The following KDM2B variants were observed in gnomAD, a reference collection of about 807,000 sequenced individuals.
KDM2B encodes the protein lysine-specific demethylase 2B.
Under a neutral mutation model 150.0 loss-of-function variants are expected in KDM2B, and 26 were observed. The ratio of observed to expected loss-of-function variants is 0.17; its 90% CI spans 0.13 to 0.24. KDM2B has a LOEUF of 0.24. Among genes scored for constraint, KDM2B ranks in the 10% least tolerant of loss-of-function variants. KDM2B has a pLI of 1.00. For synonymous variants in KDM2B, 734 were observed against 729.5 expected, an observed-to-expected ratio of 1.01 and a Z score of -0.10; for missense variants, 1,265 against 1,816.9, an observed-to-expected ratio of 0.70 and a Z score of 5.52.
chr12:121,433,691 A>G (rs2137545163), intron 22 of KDM2B, among the ~76,000 whole-genome samples: 1 of 152,364 alleles, frequency 6.6e-6, no homozygotes, highest in South Asian at 2.1e-4. Context: ...AAATCCTAGT[A>G]GTATTTTTTG....
rs1889335946 is a variant in KDM2B at position 121,549,727 on chromosome 12, C to A, written c.398-89G>T. The stretch of plus-strand genomic sequence containing the variant: ...GCCCCTCACTAAACAAAAGCTGCTC[C>A]TCCACGTTTCCCCACAGTCCTCACC... On this transcript the variant is annotated intron_variant, in intron 4 of 22. Transcript: ENST00000377071. The surrounding 1 kb of genome is among the most constrained non-coding windows in gnomAD (Gnocchi z 4.4). 1 of 1,240,372 alleles carries A rather than the reference C, an allele frequency of 8.1e-7. No homozygotes were observed. Among genetic ancestry groups the A allele is most frequent in the South Asian group, 1.5e-5 (1 of 65,760 alleles). The allele number at this position is 1,240,372 out of a possible 1,614,324, so 76.8% of individuals were successfully genotyped here.
intron 12 of KDM2B, among the ~76,000 whole-genome samples, chr12:121,480,795 C>A (rs941684230): frequency 1.3e-5 from 2 of 151,980 alleles, no homozygotes; most frequent in Non-Finnish European, 2.9e-5. Flanking sequence ...AACAAAAAAA[C>A]AGATACTCCT....
chr12:121,578,593 G>T (rs1263499250), intron 2 of KDM2B, among the ~76,000 whole-genome samples: 1 of 151,806 alleles, frequency 6.6e-6, no homozygotes, highest in Non-Finnish European at 1.5e-5. Context: ...GGCGCGGGCC[G>T]GGCCTAGGCC....
intron 19 of KDM2B, 54 bp from the exon 20 acceptor site, chr12:121,441,287 G>T: frequency 1.3e-6 from 2 of 1,562,676 alleles, no homozygotes; most frequent in East Asian, 2.2e-5. Context: ...CCTCTAGGGA[G>T]CCCACACACA....
intron 12 of KDM2B, chr12:121,470,284 G>A (rs1431268673): frequency 3.3e-5 from 5 of 152,246 alleles, no homozygotes; most frequent in South Asian, 2.1e-4. Flanking sequence ...GGCTCAAAGA[G>A]CGGAAAGGAA....
At position 121,467,104 on chromosome 12, in the gene KDM2B, G is replaced by A. The variant is rs1555294968; in HGVS notation, c.1735-13760C>T. ...GCCGCCCTCGGCGCGTCAGACAGGCGGTCGGGAGGTCGTGCGGCGGGTCCC... is the reference window on the plus strand; with the variant it reads ...GCCGCCCTCGGCGCGTCAGACAGGCAGTCGGGAGGTCGTGCGGCGGGTCCC... On this transcript the variant is annotated intron_variant, in intron 12 of 22. Coordinates refer to ENST00000377071, the MANE Select transcript of KDM2B (RefSeq NM_032590.5). This position sits in a 1 kb window ranked among gnomAD's most constrained non-coding sequence, Gnocchi z 5.1. 1.9e-6 allele frequency: 2 copies of A among 1,045,974 alleles called. No homozygotes were observed. The highest frequency in any genetic ancestry group is 2.4e-6 in the Non-Finnish European group (2 of 836,276). The allele number at this position is 1,045,974 out of a possible 1,614,324, so 64.8% of individuals were successfully genotyped here.
intron 8 of KDM2B, among the ~76,000 whole-genome samples, chr12:121,524,385 C>A (rs1209019742): frequency 6.6e-6 from 1 of 152,226 alleles, no homozygotes; most frequent in African/African-American, 2.4e-5. Flanking sequence ...GGCCAACGCA[C>A]CTGACTTACA....
Position 121,553,841 on chromosome 12 carries a change from A to G in KDM2B, c.398-4203T>C, listed in dbSNP as rs1594113767. Among the ~76,000 whole-genome samples, 3 of 152,246 alleles carry G rather than the reference A, an allele frequency of 2.0e-5. No homozygotes were observed. The East Asian group carries it at 5.8e-4, about 29-fold the overall frequency. ...TGTGGGGTTCTTCTGGGGAATGATG[A>G]AAAAGTTCTAAAATGGACTTTCATA... is the stretch of plus-strand genomic sequence containing the variant. On this transcript the variant is annotated intron_variant, in intron 4 of 22. Coordinates refer to ENST00000377071, the MANE Select transcript of KDM2B (RefSeq NM_032590.5).
At position 121,429,784 on chromosome 12, in the gene KDM2B, C is replaced by CA; in HGVS notation, c.*503dup. On this transcript the variant is annotated 3_prime_UTR_variant, in exon 23 of 23. Coordinates refer to ENST00000377071, the MANE Select transcript of KDM2B (RefSeq NM_032590.5). ...AACACTGGTATGCATTCAAACCTTG[C>CA]ATAAATAACTTTTAAACAATTTGTA... 1 of 533,730 alleles carries CA rather than the reference C, an allele frequency of 1.9e-6. No homozygotes were observed. 33.1% of individuals were successfully genotyped at this position (533,730 alleles called of 1,614,324 possible). A position where few individuals can be genotyped will look rare whatever the true frequency, so the allele number is the denominator to read the frequency against.
intron 11 of KDM2B, among the ~76,000 whole-genome samples, chr12:121,496,034 C>T (rs1555300913): frequency 6.6e-6 from 1 of 152,024 alleles, no homozygotes; most frequent in African/African-American, 2.4e-5. Flanking sequence ...GAACATCATC[C>T]AGGTATAAAA....
At chr12:121,431,392 G>A (rs993978929) in intron 22 of KDM2B, among the ~76,000 whole-genome samples, 2 of 140,898 alleles carry the variant, frequency 1.4e-5, no homozygotes, top group African/African-American at 2.7e-5. Context: ...CATGTGATCC[G>A]CCCACCTCAG....
intron 6 of KDM2B, among the ~76,000 whole-genome samples, chr12:121,546,521 T>C (rs1422964893): frequency 1.3e-5 from 2 of 150,606 alleles, no homozygotes; most frequent in Non-Finnish European, 3.0e-5. Flanking sequence ...TAGCTGGGAC[T>C]ACAGGCGCCC....
At chr12:121,532,644 A>T (rs182147307) in intron 8 of KDM2B, among the ~76,000 whole-genome samples, 162 bp downstream of exon 8, 62 of 152,274 alleles carry the variant, frequency 4.1e-4, no homozygotes, top group East Asian at 1.4e-3. Context: ...ATGTGAGGGG[A>T]AAACTGCACG....
At chr12:121,536,423 G>A (rs1267336934) in intron 6 of KDM2B, among the ~76,000 whole-genome samples, 1 of 152,226 alleles carries the variant, frequency 6.6e-6, no homozygotes, top group Non-Finnish European at 1.5e-5. Flanking sequence ...GGGCTGCGGA[G>A]CTGGCAATGG....
chr12:121,529,794 G>A (rs1485397218), intron 8 of KDM2B, among the ~76,000 whole-genome samples: 2 of 151,966 alleles, frequency 1.3e-5, no homozygotes, highest in Admixed American at 6.6e-5. Flanking sequence ...GCCGGGCATG[G>A]TGGCGTGTAC....
At chr12:121,497,929 C>G (rs1216164726) in intron 11 of KDM2B, among the ~76,000 whole-genome samples, 1 of 151,936 alleles carries the variant, frequency 6.6e-6, no homozygotes, top group African/African-American at 2.4e-5. Context: ...AACCCCATCA[C>G]TACTAAAACT....
intron 1 of KDM2B, chr12:121,580,155 A>ATT: frequency 1.4e-6 from 2 of 1,450,554 alleles, no homozygotes; most frequent in Non-Finnish European, 9.1e-7. Context: ...CAAAAAATAA[A>ATT]TAAATAAAGC....
At chr12:121,581,133 C>T, upstream of KDM2B, 1 of 498,068 alleles carries the variant, frequency 2.0e-6, no homozygotes, top group Non-Finnish European at 3.4e-6. Flanking sequence ...AGGCGACCAG[C>T]CCTGAAACAG....
intron 4 of KDM2B, among the ~76,000 whole-genome samples, chr12:121,559,601 T>TA (rs1483752805): frequency 6.6e-6 from 1 of 151,960 alleles, no homozygotes; most frequent in African/African-American, 2.4e-5. Context: ...GAAAGAGACT[T>TA]AAAATGCAGC....
Sources: allele counts gnomAD v4.1 joint callset (sites outside exome capture counted in the v4.1 genomes callset), GRCh38; gene constraint gnomAD v4.1.1; non-coding constraint Gnocchi (gnomAD v3.1); transcripts MANE v1.5; gene names NCBI Gene and HGNC (gene_info 2026-07-23, HGNC 2026-07-21).